Variants in SMCHD1 observed in about 807,000 individuals in gnomAD.
SMCHD1 encodes the protein structural maintenance of chromosomes flexible hinge domain-containing protein 1.
A neutral mutation model predicts 254.7 loss-of-function variants in SMCHD1; 78 were observed. The observed-to-expected ratio is 0.31, with a 90% confidence interval of 0.26 to 0.37. SMCHD1 has a LOEUF of 0.37. Ranked by LOEUF, SMCHD1 falls within the 10% of genes least tolerant of loss-of-function variation. The pLI is 1.00. For synonymous variants in SMCHD1, 766 were observed against 794.9 expected (o/e 0.96, Z 0.61); for missense variants, 1,840 against 2,408.1 (o/e 0.76, Z 4.94).
chr18:2,758,813 C>T (rs1164240915), intron 34 of SMCHD1, among the ~76,000 whole-genome samples: 3 of 150,656 alleles, frequency 2.0e-5, no homozygotes, highest in Non-Finnish European at 3.0e-5. Context: ...CCCACCCCAT[C>T]CCCTGCCCAG....
chr18:2,729,277 T>C lies in SMCHD1; in HGVS notation c.2916T>C (p.Phe972=). 6.8e-7 allele frequency: 1 copy of C among 1,476,408 alleles called. No homozygotes were observed. The highest frequency in any genetic ancestry group is 9.0e-7 in the Non-Finnish European group (1 of 1,115,300). The allele number at this position is 1,476,408 out of a possible 1,614,324, so 91.5% of individuals were successfully genotyped here. The part of the protein sequence containing the change: ...AQPKLIVHCK[F]SGAPNLPVYV... ...ATTATTTTTCATCTTTCAAATAGTTTTCAGGTGCTCCAAACCTTCCAGTCT... is the reference window on the plus strand; with the variant it reads ...ATTATTTTTCATCTTTCAAATAGTTCTCAGGTGCTCCAAACCTTCCAGTCT... The change falls in exon 24 of 48, where the codon TTT becomes TTC. Residue 972 remains phenylalanine (F), a splice_region_variant and synonymous_variant. Transcript: ENST00000320876.
At position 2,784,600 on chromosome 18, in the gene SMCHD1, C is replaced by G; in HGVS notation, c.5698C>G (p.Leu1900Val). The change falls in exon 45 of 48, where the codon CTG (leucine) becomes GTG (valine). Residue 1900 changes from leucine (L) to valine (V), a missense_variant. Physicochemically the swap from Leu to Val is conservative, Grantham distance 32. Coordinates refer to ENST00000320876, the MANE Select transcript of SMCHD1 (RefSeq NM_015295.3). ...TGGAGCTCCAGTTCCAAAACAGTGT[C>G]TGATCTTAGGGGAACAAATAGGTAA... Reference protein sequence around the residue: ...VFGAPVPKQCLILGEQIDLLQ... With the variant: ...VFGAPVPKQCVILGEQIDLLQ... 6.2e-7 allele frequency: 1 copy of G among 1,601,598 alleles called. No homozygotes were observed. The highest frequency in any genetic ancestry group is 1.1e-5 in the South Asian group (1 of 88,362).
At position 2,666,205 on chromosome 18, in the gene SMCHD1, A is replaced by G; in HGVS notation, c.235A>G (p.Arg79Gly). ...EEKFVITTTS[R>G]KEITCDNFDE... is the part of the protein sequence containing the mutation. ...AAAATTTGTTATTACAACAACAAGT[A>G]GGAAAGAAATTACCTGTGATAATTT... The change falls in exon 2 of 48, where the codon AGG (arginine) becomes GGG (glycine). Residue 79 changes from arginine to glycine, a missense_variant. Coordinates refer to ENST00000320876, the MANE Select transcript of SMCHD1 (RefSeq NM_015295.3). The G allele has an allele frequency of 6.4e-7, 1 of 1,553,568 alleles. No individual in the cohort carries two copies. The highest frequency in any genetic ancestry group is 8.8e-7 in the Non-Finnish European group (1 of 1,131,346).
chr18:2,691,503 T>C (rs2074178833), intron 7 of SMCHD1, among the ~76,000 whole-genome samples: 2 of 152,220 alleles, frequency 1.3e-5, no homozygotes, highest in Admixed American at 1.3e-4. Context: ...CAGTCTTACC[T>C]TTTCTAAAGA....
At chr18:2,719,243 TTCCTCTCTCCTC>T (rs1193246257) in intron 19 of SMCHD1, among the ~76,000 whole-genome samples, 1 of 151,522 alleles carries the variant, frequency 6.6e-6, no homozygotes, top group East Asian at 1.9e-4. Context: ...TTCTTTTCTT[TTCCTCTCTCCTC>T]TCCTCTCCTC....
chr18:2,761,878 C>G (rs1041061011), intron 35 of SMCHD1, among the ~76,000 whole-genome samples: 2 of 152,170 alleles, frequency 1.3e-5, no homozygotes, highest in Non-Finnish European at 2.9e-5. Flanking sequence ...TTTAATACCT[C>G]TAAGTTTGTT....
chr18:2,662,027 C>CGGGCGCGGTGGT, intron 1 of SMCHD1, among the ~76,000 whole-genome samples: 1 of 143,766 alleles, frequency 7.0e-6, no homozygotes, highest in Admixed American at 6.7e-5. Flanking sequence ...GGCGCGGTGG[C>CGGGCGCGGTGGT]AGGCGCCTGT....
intron 46 of SMCHD1, 70 bp from the exon 47 acceptor site, chr18:2,796,337 C>A (rs1261150998): frequency 3.4e-5 from 34 of 1,003,894 alleles, no homozygotes; most frequent in Non-Finnish European, 4.8e-5. Flanking sequence ...ATGACATATT[C>A]ATGTTTGCAT....
At chr18:2,658,148 T>C (rs1237521503) in intron 1 of SMCHD1, among the ~76,000 whole-genome samples, 1 of 152,218 alleles carries the variant, frequency 6.6e-6, no homozygotes, top group Admixed American at 6.5e-5. Context: ...TAGTTTGAAA[T>C]CTTAGAACTG....
intron 45 of SMCHD1, among the ~76,000 whole-genome samples, chr18:2,794,357 TTTGCCTGTAATCCGAGCTA>T (rs1034789482): frequency 3.4e-4 from 52 of 152,162 alleles, no homozygotes; most frequent in Non-Finnish European, 1.6e-4. Context: ...TGCTGGCCAA[TTTGCCTGTAATCCGAGCTA>T]TTGCCTGTAA....
intron 23 of SMCHD1, among the ~76,000 whole-genome samples, chr18:2,729,055 AAGTT>A (rs981915242): frequency 6.6e-6 from 1 of 152,106 alleles, no homozygotes; most frequent in African/African-American, 2.4e-5. Context: ...GTAATTGAGG[AAGTT>A]AGTTCTTTCC....
chr18:2,687,767 T>C (rs889659184), intron 5 of SMCHD1, among the ~76,000 whole-genome samples: 1 of 152,208 alleles, frequency 6.6e-6, no homozygotes, highest in African/African-American at 2.4e-5. Flanking sequence ...TTACGTTCTT[T>C]GCATCTTTCT....
intron 47 of SMCHD1, 50 bp from the exon 48 acceptor site, chr18:2,802,477 GA>G (rs2076381218): frequency 3.4e-6 from 5 of 1,463,736 alleles, no homozygotes; most frequent in African/African-American, 2.8e-5. Flanking sequence ...GGAATTCAGG[GA>G]AAGGAAACCT....
At chr18:2,791,328 G>A (rs914469629) in intron 45 of SMCHD1, among the ~76,000 whole-genome samples, 8 of 152,164 alleles carry the variant, frequency 5.3e-5, no homozygotes, top group East Asian at 1.9e-4. Context: ...AGTGGCTCAC[G>A]CCTATAATCC....
chr18:2,705,499 A>G (rs980949920), intron 13 of SMCHD1, among the ~76,000 whole-genome samples, 195 bp from the exon 14 acceptor site: 6 of 152,158 alleles, frequency 3.9e-5, no homozygotes, highest in African/African-American at 1.2e-4. Flanking sequence ...TTTTACAACT[A>G]TTTGTTAAGT....
chr18:2,676,392 A>G (rs1310584850), intron 5 of SMCHD1, among the ~76,000 whole-genome samples: 2 of 152,184 alleles, frequency 1.3e-5, no homozygotes, highest in Non-Finnish European at 2.9e-5. Flanking sequence ...GGCCTCTTTG[A>G]GATTATATTT....
intron 41 of SMCHD1, among the ~76,000 whole-genome samples, chr18:2,775,066 CA>C (rs2076044137): frequency 5.8e-5 from 6 of 103,088 alleles, no homozygotes; most frequent in African/African-American, 1.7e-4. Context: ...GCAAAAGGAA[CA>C]ATTTTTTTTT....
rs983772174 is a variant in SMCHD1, at chr18:2,776,028, G to T, written c.5366+104G>T. 223 of 958,032 alleles carry T rather than the reference G, an allele frequency of 2.3e-4. 2 individuals carry two copies. Among genetic ancestry groups the T allele is most frequent in the Middle Eastern group, 3.0e-4 (1 of 3,290 alleles). 59.3% of individuals were successfully genotyped at this position (958,032 alleles called of 1,614,324 possible). Reference sequence around the variant, plus strand: ...TTCTCTAAAAGATACCTAAAACAGAGAATTGACTTGAATTATATACGTTAT... The same window carrying T: ...TTCTCTAAAAGATACCTAAAACAGATAATTGACTTGAATTATATACGTTAT... On this transcript the variant is annotated intron_variant, in intron 42 of 47. Coordinates refer to ENST00000320876, the MANE Select transcript of SMCHD1 (RefSeq NM_015295.3).
intron 1 of SMCHD1, among the ~76,000 whole-genome samples, chr18:2,662,035 T>C (rs1260530279): frequency 7.2e-6 from 1 of 139,208 alleles, no homozygotes; most frequent in African/African-American, 3.2e-5. Context: ...GGCAGGCGCC[T>C]GTAGTCCCAG....
Sources: gnomAD v4.1 joint callset for allele counts (sites outside exome capture counted in the v4.1 genomes callset) on GRCh38, gnomAD v4.1.1 for gene constraint, MANE v1.5 for transcripts, NCBI Gene and HGNC (gene_info 2026-07-23, HGNC 2026-07-21) for gene names.